Variants in KNTC1 observed in about 807,000 individuals in gnomAD.
KNTC1 encodes the protein kinetochore-associated protein 1.
KNTC1 carries 253 observed loss-of-function variants against 314.4 expected under a neutral mutation model. The observed-to-expected ratio is 0.80, with a 90% CI of 0.73 to 0.89. The LOEUF (loss-of-function observed/expected upper bound fraction) is 0.89, where lower values mean the gene tolerates loss of function less well. KNTC1 is among the 40% of genes least tolerant of loss of function. The pLI, the probability that KNTC1 is intolerant of heterozygous loss-of-function variation, is 0.00. For synonymous variants in KNTC1, 901 were observed against 901.4 expected (o/e 1.00, Z 0.01); for missense variants, 2,475 against 2,572.9 (o/e 0.96, Z 0.82).
In KNTC1 at chr12:122,582,851, G is replaced by A; in HGVS notation, c.3129G>A (p.Val1043=). ...GSTPEPIAAE[V]RSPSMESKLH... ...CCCCAGAGCCCATAGCTGCTGAGGT[G>A]AGGAGCCCAAGCATGGAATCAAAGC... Residue 1043 remains valine (V), a synonymous_variant, in exon 34 of 64, where the codon GTG becomes GTA. Coordinates refer to ENST00000333479, the MANE Select transcript of KNTC1 (RefSeq NM_014708.6). 3.1e-6 allele frequency: 5 copies of A among 1,612,128 alleles called. No homozygotes were observed. The highest frequency in any genetic ancestry group is 1.3e-5 in the African/African-American group (1 of 75,016).
At chr12:122,602,804 C>A in intron 46 of KNTC1, 25 bp from the exon 47 acceptor site, 1 of 1,610,818 alleles carries the variant, frequency 6.2e-7, no homozygotes, top group Non-Finnish European at 8.5e-7. Context: ...TTAAGCAAAT[C>A]GTACTTTCCT....
chr12:122,584,706 C>T (rs927397737), intron 35 of KNTC1, among the ~76,000 whole-genome samples, 187 bp from the exon 36 acceptor site: 1 of 152,160 alleles, frequency 6.6e-6, no homozygotes, highest in African/African-American at 2.4e-5. Flanking sequence ...CCTCCCATAT[C>T]TGATCTTATT....
chr12:122,618,586 G>A, intron 59 of KNTC1, 41 bp downstream of exon 59: 1 of 1,438,810 alleles, frequency 7.0e-7, no homozygotes, highest in East Asian at 2.3e-5. Context: ...AAAAAAGTTT[G>A]TTGCTTATAA....
rs1168086105 is a variant in KNTC1 at position 122,597,241 on chromosome 12, ATTTT to A, written c.4356-468_4356-465del. 7 of 97,674 alleles carry A rather than the reference ATTTT, an allele frequency of 7.2e-5. No homozygotes were observed. In the South Asian group the frequency reaches 1.3e-3, roughly 18 times the overall value. 6.1% of individuals were successfully genotyped at this position (97,674 alleles called of 1,614,324 possible). A position where few individuals can be genotyped will look rare whatever the true frequency, so the allele number is the denominator to read the frequency against. The stretch of plus-strand genomic sequence containing the variant: ...ACACACCCACCAGGAATAATACCTG[ATTTT>A]TTTTTTTTTTTTTTTTTTTTTGAGA... On this transcript the variant is annotated intron_variant, in intron 43 of 63. Transcript: ENST00000333479.
At position 122,529,278 on chromosome 12, in the gene KNTC1, A is replaced by G. The variant is rs576938881; in HGVS notation, c.-73-713A>G. ...GTTTCTACCTTGTGCTATACCTTTT[A>G]TAGATATTGAAACATACTTCTAGTA... On this transcript the variant is annotated intron_variant, in intron 1 of 63. Coordinates refer to ENST00000333479, the MANE Select transcript of KNTC1 (RefSeq NM_014708.6). Among the ~76,000 whole-genome samples, 3 of 152,328 alleles carry G rather than the reference A, an allele frequency of 2.0e-5. No individual in the cohort carries two copies. The South Asian group carries it at 6.2e-4, about 32-fold the overall frequency.
chr12:122,566,028 C>T (rs1206555074), intron 20 of KNTC1, among the ~76,000 whole-genome samples: 2 of 149,384 alleles, frequency 1.3e-5, no homozygotes, highest in African/African-American at 2.5e-5. Flanking sequence ...CTGCCACCTC[C>T]GCCTCCCAGA....
intron 38 of KNTC1, among the ~76,000 whole-genome samples, chr12:122,587,384 G>T (rs1869509889): frequency 6.6e-6 from 1 of 152,086 alleles, no homozygotes; most frequent in African/African-American, 2.4e-5. Flanking sequence ...ATTGTTATTT[G>T]TTTAAAAGTT....
chr12:122,597,532 C>G, intron 43 of KNTC1, 199 bp from the exon 44 acceptor site: 1 of 536,698 alleles, frequency 1.9e-6, no homozygotes, highest in South Asian at 1.9e-5. Flanking sequence ...CAGGTGTGAG[C>G]CACTGCACCC....
At chr12:122,553,157 A>G (rs1235063362) in intron 16 of KNTC1, among the ~76,000 whole-genome samples, 2 of 142,986 alleles carry the variant, frequency 1.4e-5, no homozygotes, top group African/African-American at 5.5e-5. Context: ...ACTCTGTCTC[A>G]GGGAAAAAAA....
intron 57 of KNTC1, chr12:122,617,298 T>C: frequency 2.9e-6 from 1 of 348,790 alleles, no homozygotes; most frequent in Admixed American, 3.5e-5. Context: ...TTTTTAATGC[T>C]TGATTATTCT....
In KNTC1 at chr12:122,543,602, A is replaced by G. The variant is rs2137723359; in HGVS notation, c.526A>G (p.Ile176Val). 6.4e-7 allele frequency: 1 copy of G among 1,560,334 alleles called. No individual in the cohort carries two copies. Among genetic ancestry groups the G allele is most frequent in the African/African-American group, 1.4e-5 (1 of 73,440 alleles). Residue 176 changes from isoleucine (I) to valine (V), a missense_variant and splice_region_variant, in exon 7 of 64, where the codon ATT becomes GTT. By Grantham distance (29) the Ile-to-Val change is conservative (BLOSUM62 3). Transcript: ENST00000333479. ...GCCTGCTTTCTTTTTTAATGCAGCAATTGAGAATGTAGACTTCAGTACAGC... is the reference window on the plus strand; with the variant it reads ...GCCTGCTTTCTTTTTTAATGCAGCAGTTGAGAATGTAGACTTCAGTACAGC... ...NLQLLKIQQAIENVDFSTAKK... is the reference protein window; with the variant it reads ...NLQLLKIQQAVENVDFSTAKK...
chr12:122,613,497 G>T (rs1873409274), intron 54 of KNTC1, 129 bp from the exon 55 acceptor site: 3 of 734,954 alleles, frequency 4.1e-6, no homozygotes, highest in Non-Finnish European at 4.2e-6. Context: ...TATATATTCA[G>T]TGAATATATT....
At position 122,620,620 on chromosome 12, in the gene KNTC1, A is replaced by T; in HGVS notation, c.6279+12A>T. ...ACCAGCAAATTAAGGTATCGTGCAC[A>T]TGATTCCTCTGGGCTGCCAAGGAAA... On this transcript the variant is annotated intron_variant, in intron 60 of 63. Transcript: ENST00000333479. 6.2e-7 allele frequency: 1 copy of T among 1,611,476 alleles called. No homozygotes were observed. The highest frequency in any genetic ancestry group is 8.5e-7 in the Non-Finnish European group (1 of 1,178,450).
At position 122,585,671 on chromosome 12, in the gene KNTC1, G is replaced by A. The variant is rs36117464; in HGVS notation, c.3570G>A (p.Glu1190=). 0.038 allele frequency: 60,533 copies of A among 1,613,590 alleles called. 1,365 individuals carry two copies. The highest frequency in any genetic ancestry group is 0.065 in the Middle Eastern group (395 of 6,062). The change falls in exon 37 of 64, where the codon GAG becomes GAA. Residue 1190 remains glutamate, a synonymous_variant. Coordinates refer to ENST00000333479, the MANE Select transcript of KNTC1 (RefSeq NM_014708.6). ...GGACACATAAAGATCCATATGAAGA[G>A]TGGTCTTACAGTGACTTCTTCAGTG... ...SFGTHKDPYE[E]WSYSDFFSED...
At chr12:122,614,106 C>T (rs750393286) in intron 55 of KNTC1, among the ~76,000 whole-genome samples, 1 of 152,148 alleles carries the variant, frequency 6.6e-6, no homozygotes, top group Non-Finnish European at 1.5e-5. Context: ...ACTGGGATTA[C>T]AGGCATGAGC....
intron 18 of KNTC1, among the ~76,000 whole-genome samples, chr12:122,558,601 G>A (rs1010029607): frequency 2.0e-5 from 3 of 151,612 alleles, no homozygotes; most frequent in African/African-American, 7.3e-5. Context: ...TTAAATGGCT[G>A]GGTGAGGTGT....
At chr12:122,590,564 T>A (rs1870045464) in intron 40 of KNTC1, 43 bp from the exon 41 acceptor site, 23 of 1,568,822 alleles carry the variant, frequency 1.5e-5, no homozygotes, top group Non-Finnish European at 1.8e-5. Context: ...AATTCTGTTT[T>A]GATTGTGAAG....
chr12:122,553,308 A>G (rs1381853115), intron 16 of KNTC1, among the ~76,000 whole-genome samples: 1 of 152,110 alleles, frequency 6.6e-6, no homozygotes, highest in African/African-American at 2.4e-5. Context: ...GAAATGAGGA[A>G]TATGTGTGGA....
Position 122,588,760 on chromosome 12 carries a change from T to C in KNTC1, c.3943T>C (p.Leu1315=), listed in dbSNP as rs752518806. ...TAAATCAAGGCATGTTGTTATGGAA[T>C]TGAAAGAAAAAGCTGTTATATTTAT... is the stretch of plus-strand genomic sequence containing the variant. The part of the protein sequence containing the change: ...LVKSRHVVME[L]KEKAVIFIRE... The change falls in exon 40 of 64, where the codon TTG becomes CTG. Residue 1315 remains leucine, a synonymous_variant. Transcript: ENST00000333479. 6.4e-7 allele frequency: 1 copy of C among 1,567,434 alleles called. No homozygotes were observed. Among genetic ancestry groups the C allele is most frequent in the Non-Finnish European group, 8.7e-7 (1 of 1,155,896 alleles).
Sources: allele counts gnomAD v4.1 joint callset (sites outside exome capture counted in the v4.1 genomes callset), GRCh38; gene constraint gnomAD v4.1.1; transcripts MANE v1.5; gene names NCBI Gene and HGNC (gene_info 2026-07-23, HGNC 2026-07-21).